KLHL2: variants seen among roughly 807,000 people sequenced by gnomAD.
The protein encoded by KLHL2 is kelch like family member 2.
A neutral mutation model predicts 75.8 loss-of-function variants in KLHL2; 15 were observed. That is an observed-to-expected ratio of 0.20 (90% CI 0.13 to 0.30). The LOEUF (loss-of-function observed/expected upper bound fraction) is 0.30, where lower values mean the gene tolerates loss of function less well. Ranked by LOEUF, KLHL2 falls within the 10% of genes least tolerant of loss-of-function variation. The probability of loss-of-function intolerance (pLI) is 1.00; values close to 1 mark genes in which losing one functional copy is unlikely to be tolerated. For missense variants in KLHL2, 381 were observed against 741.0 expected, an observed-to-expected ratio of 0.51 and a Z score of 5.64; for synonymous variants, 214 against 251.9, an observed-to-expected ratio of 0.85 and a Z score of 1.42.
In KLHL2 at chr4:165,250,118, C is replaced by G. The variant is rs909600977; in HGVS notation, c.381+11219C>G. Among the ~76,000 whole-genome samples the G allele has an allele frequency of 6.4e-5, 9 of 139,988 alleles. No homozygotes were observed. In the South Asian group the frequency reaches 1.1e-3, roughly 17 times the overall value. The allele number at this position is 139,988 out of a possible 152,430, so 91.8% of individuals were successfully genotyped here. A position where few individuals can be genotyped will look rare whatever the true frequency, so the allele number is the denominator to read the frequency against. On this transcript the variant is annotated intron_variant, in intron 4 of 14. Coordinates refer to ENST00000226725, the MANE Select transcript of KLHL2 (RefSeq NM_007246.4). ...CAGCCTGGGCAACAGAGTGAGACTCCGTCTCAAAAAAAAAAAAAATAGTTT... is the reference window on the plus strand; with the variant it reads ...CAGCCTGGGCAACAGAGTGAGACTCGGTCTCAAAAAAAAAAAAAATAGTTT...
intron 4 of KLHL2, among the ~76,000 whole-genome samples, chr4:165,240,873 G>A (rs1739768094): frequency 6.6e-6 from 1 of 152,182 alleles, no homozygotes; most frequent in African/African-American, 2.4e-5. Context: ...GTTGTTTGTA[G>A]TAGTTCTTGT....
chr4:165,279,401 A>G (rs1416510266), intron 5 of KLHL2: 12 of 1,587,964 alleles, frequency 7.6e-6, no homozygotes, highest in Non-Finnish European at 9.5e-6. Context: ...TATGTTGGAA[A>G]TACCAATATT....
At chr4:165,286,355 G>C (rs541017224) in intron 5 of KLHL2, among the ~76,000 whole-genome samples, 9 of 152,292 alleles carry the variant, frequency 5.9e-5, no homozygotes, top group East Asian at 3.9e-4. Context: ...TTGGGGTTTG[G>C]GGGGAGAGGT....
Position 165,311,520 on chromosome 4 carries a change from C to T in KLHL2, c.1294C>T (p.Pro432Ser). ...IKSNEWFHVA[P>S]MNTRRSSVGV... ...GTCTAATGAGTGGTTTCATGTAGCT[C>T]CCATGAATACAAGGAGGAGCAGTGT... is the stretch of plus-strand genomic sequence containing the variant. The change falls in exon 11 of 15, where the codon CCC (proline) becomes TCC (serine). Residue 432 changes from proline to serine, a missense_variant. Physicochemically the swap from Pro to Ser is moderately conservative, Grantham distance 74. Transcript: ENST00000226725. 6.2e-7 allele frequency: 1 copy of T among 1,613,944 alleles called. No homozygotes were observed. Among genetic ancestry groups the T allele is most frequent in the South Asian group, 1.1e-5 (1 of 91,068 alleles).
chr4:165,289,173 AG>A (rs1285695599), intron 5 of KLHL2, among the ~76,000 whole-genome samples: 1 of 152,194 alleles, frequency 6.6e-6, no homozygotes, highest in East Asian at 1.9e-4. Flanking sequence ...TAAATACTGT[AG>A]AACACTTGAA....
chr4:165,274,929 G>A (rs1187465585), intron 5 of KLHL2, among the ~76,000 whole-genome samples: 3 of 143,374 alleles, frequency 2.1e-5, no homozygotes, highest in Admixed American at 6.8e-5. Context: ...AGATGCTCTC[G>A]TGGCTTCAGC....
chr4:165,315,895 A>T (rs1288892701), intron 13 of KLHL2, among the ~76,000 whole-genome samples: 1 of 152,222 alleles, frequency 6.6e-6, no homozygotes, highest in Admixed American at 6.5e-5. Context: ...AGTTTTCATA[A>T]GTATGGTAAA....
chr4:165,225,549 A>G (rs1431255206), intron 2 of KLHL2, among the ~76,000 whole-genome samples: 2 of 152,204 alleles, frequency 1.3e-5, no homozygotes, highest in Non-Finnish European at 2.9e-5. Context: ...TTAGAAATTC[A>G]CCATGGAAGA....
At chr4:165,315,290 C>A (rs927325815) in intron 13 of KLHL2, among the ~76,000 whole-genome samples, 1 of 152,054 alleles carries the variant, frequency 6.6e-6, no homozygotes, top group African/African-American at 2.4e-5. Context: ...GTTTTCATAT[C>A]AAAATTCACT....
intron 5 of KLHL2, among the ~76,000 whole-genome samples, chr4:165,264,727 T>TATATATATATATATATAC (rs1742063107): frequency 1.3e-5 from 1 of 74,112 alleles, no homozygotes; most frequent in Non-Finnish European, 2.6e-5. Flanking sequence ...TATACATATA[T>TATATATATATATATATAC]ATATATATAT....
At chr4:165,298,878 C>G (rs1329771805) in intron 7 of KLHL2, among the ~76,000 whole-genome samples, 1 of 151,802 alleles carries the variant, frequency 6.6e-6, no homozygotes, top group Non-Finnish European at 1.5e-5. Context: ...TGGAGTTTGC[C>G]AGGATTGTAC....
chr4:165,258,555 A>G (rs950199703), intron 4 of KLHL2, among the ~76,000 whole-genome samples: 7 of 152,196 alleles, frequency 4.6e-5, no homozygotes, highest in African/African-American at 1.7e-4. Flanking sequence ...GAGAAGCAGC[A>G]CTGTTCAACT....
At chr4:165,296,330 G>T (rs1024979545) in intron 6 of KLHL2, among the ~76,000 whole-genome samples, 1 of 152,168 alleles carries the variant, frequency 6.6e-6, no homozygotes, top group African/African-American at 2.4e-5. Context: ...TAACTTGCAT[G>T]GGTTTCTCAT....
In KLHL2 at chr4:165,322,159, C is replaced by G; in HGVS notation, c.*99C>G. 9.2e-7 allele frequency: 1 copy of G among 1,087,916 alleles called. No individual in the cohort carries two copies. The highest frequency in any genetic ancestry group is 1.4e-6 in the Non-Finnish European group (1 of 703,814). The allele number at this position is 1,087,916 out of a possible 1,614,324, so 67.4% of individuals were successfully genotyped here. A position where few individuals can be genotyped will look rare whatever the true frequency, so the allele number is the denominator to read the frequency against. On this transcript the variant is annotated 3_prime_UTR_variant, in exon 15 of 15. Coordinates refer to ENST00000226725, the MANE Select transcript of KLHL2 (RefSeq NM_007246.4). ...TCTAGCACTTCTCCACTTGTAGCTGCACTTTAAGTCTCAGCAGAAGATACG... is the reference window on the plus strand; with the variant it reads ...TCTAGCACTTCTCCACTTGTAGCTGGACTTTAAGTCTCAGCAGAAGATACG...
intron 7 of KLHL2, 93 bp from the exon 8 acceptor site, chr4:165,299,414 C>A: frequency 8.7e-7 from 1 of 1,149,684 alleles, no homozygotes; most frequent in Non-Finnish European, 1.2e-6. Context: ...GATATAGTTA[C>A]TGCTTTTTTC....
chr4:165,300,264 T>G (rs1579156962), intron 8 of KLHL2, among the ~76,000 whole-genome samples: 1 of 149,462 alleles, frequency 6.7e-6, no homozygotes, highest in East Asian at 2.0e-4. Context: ...CACTCCAGTC[T>G]GGGCAACAAT....
intron 4 of KLHL2, among the ~76,000 whole-genome samples, chr4:165,251,648 C>T (rs1324976960): frequency 2.3e-5 from 3 of 130,768 alleles, no homozygotes; most frequent in East Asian, 2.3e-4. Flanking sequence ...CTCGCTCTGT[C>T]GCCCAGGCTG....
At chr4:165,230,418 CAT>C (rs1738790156) in intron 3 of KLHL2, among the ~76,000 whole-genome samples, 1 of 152,152 alleles carries the variant, frequency 6.6e-6, no homozygotes, top group African/African-American at 2.4e-5. Context: ...TAAATGAGAT[CAT>C]ATGTGTGAAT....
chr4:165,229,694 GC>G (rs1259871464), intron 3 of KLHL2, among the ~76,000 whole-genome samples: 1 of 152,204 alleles, frequency 6.6e-6, no homozygotes, highest in Non-Finnish European at 1.5e-5. Context: ...TTCCTGTGTA[GC>G]TAGGCAGATG....
Sources: allele counts gnomAD v4.1 joint callset (sites outside exome capture counted in the v4.1 genomes callset), GRCh38; gene constraint gnomAD v4.1.1; transcripts MANE v1.5; gene names NCBI Gene and HGNC (gene_info 2026-07-23, HGNC 2026-07-21).